The following CLSTN2 variants were observed in gnomAD, a reference collection of about 807,000 sequenced individuals.
CLSTN2 encodes calsyntenin 2.
CLSTN2 carries 48 observed loss-of-function variants against 101.2 expected under a neutral mutation model. The observed-to-expected ratio is 0.47, with a 90% CI of 0.38 to 0.60. CLSTN2 has a LOEUF of 0.60. Ranked by LOEUF, CLSTN2 falls within the 20% of genes least tolerant of loss-of-function variation. The pLI is 0.00. For synonymous variants in CLSTN2, 481 were observed against 463.6 expected (o/e 1.04, Z -0.48); for missense variants, 1,160 against 1,238.2 (o/e 0.94, Z 0.95).
chr3:140,530,884 T>C (rs1192104805), intron 8 of CLSTN2, among the ~76,000 whole-genome samples: 3 of 152,248 alleles, frequency 2.0e-5, no homozygotes, highest in Admixed American at 6.5e-5. Context: ...ATCCTCAGGA[T>C]GTGAACCGCA....
At chr3:140,163,473 G>C (rs1185616471) in intron 1 of CLSTN2, among the ~76,000 whole-genome samples, 1 of 149,150 alleles carries the variant, frequency 6.7e-6, no homozygotes, top group Non-Finnish European at 1.5e-5. Context: ...GATAGATATA[G>C]ATTTAGAGAG....
intron 2 of CLSTN2, among the ~76,000 whole-genome samples, chr3:140,225,484 A>T (rs533565936): frequency 0.032 from 3,799 of 120,412 alleles, 152 homozygotes; most frequent in African/African-American, 0.11. Flanking sequence ...GGGCACTGAC[A>T]TTTTTGTTTG....
At chr3:140,044,574 G>A (rs1382824431) in intron 1 of CLSTN2, among the ~76,000 whole-genome samples, 7 of 152,294 alleles carry the variant, frequency 4.6e-5, no homozygotes, top group Admixed American at 2.6e-4. Context: ...ATGTTGAATA[G>A]GAGTGGTGAG....
intron 9 of CLSTN2, among the ~76,000 whole-genome samples, chr3:140,533,698 G>C (rs1044058426): frequency 7.6e-6 from 1 of 131,072 alleles, no homozygotes; most frequent in Non-Finnish European, 1.5e-5. Context: ...GCAATGGAAC[G>C]AGACTCCATC....
Position 140,418,517 on chromosome 3 carries a change from C to CTTTCT in CLSTN2, c.638-2605_638-2604insCTTTT, listed in dbSNP as rs1343393604. Among the ~76,000 whole-genome samples, 9 of 41,302 alleles carry CTTTCT rather than the reference C, an allele frequency of 2.2e-4. No homozygotes were observed. In the African/African-American group the frequency reaches 3.3e-3, roughly 15 times the overall value. 27.1% of individuals were successfully genotyped at this position (41,302 alleles called of 152,430 possible). On this transcript the variant is annotated intron_variant, in intron 4 of 16. Coordinates refer to ENST00000458420, the MANE Select transcript of CLSTN2 (RefSeq NM_022131.3). The stretch of plus-strand genomic sequence containing the variant: ...TCTTTCTTTCTTTCTTTCTTTCTTT[C>CTTTCT]TTTTTTTTTTTTTTTTCTGAGACGG...
intron 1 of CLSTN2, among the ~76,000 whole-genome samples, chr3:140,048,878 A>T (rs575848529): frequency 6.6e-6 from 1 of 152,300 alleles, no homozygotes; most frequent in South Asian, 2.1e-4. Flanking sequence ...CCATGCCTCC[A>T]GCTCTCCCAG....
At chr3:140,287,905 G>A (rs1028766521) in intron 2 of CLSTN2, among the ~76,000 whole-genome samples, 1 of 152,200 alleles carries the variant, frequency 6.6e-6, no homozygotes, top group African/African-American at 2.4e-5. Flanking sequence ...GTGCTCAGGA[G>A]AGAGAGATAA....
intron 8 of CLSTN2, among the ~76,000 whole-genome samples, chr3:140,495,326 A>G (rs1319474019): frequency 6.6e-6 from 1 of 151,524 alleles, no homozygotes; most frequent in Non-Finnish European, 1.5e-5. Context: ...TTTTCCTTGT[A>G]CATTTGTTTA....
At chr3:140,164,788 G>T (rs2010107587) in intron 1 of CLSTN2, among the ~76,000 whole-genome samples, 1 of 152,166 alleles carries the variant, frequency 6.6e-6, no homozygotes, top group Non-Finnish European at 1.5e-5. Flanking sequence ...TCATTCCCAG[G>T]CTGGAGAAAT....
At chr3:140,150,753 C>G (rs138203366) in intron 1 of CLSTN2, among the ~76,000 whole-genome samples, 128 of 152,074 alleles carry the variant, frequency 8.4e-4, no homozygotes, top group African/African-American at 3.0e-3. Context: ...TTTTTCTTCT[C>G]TTTCACTGAT....
chr3:139,966,156 T>C (rs1935594897), intron 1 of CLSTN2, among the ~76,000 whole-genome samples: 1 of 152,168 alleles, frequency 6.6e-6, no homozygotes, highest in South Asian at 2.1e-4. Flanking sequence ...AGGTCTTAGC[T>C]GTGGGTAGGG....
At chr3:140,353,259 A>ATG in intron 2 of CLSTN2, among the ~76,000 whole-genome samples, 1 of 149,904 alleles carries the variant, frequency 6.7e-6, no homozygotes, top group Non-Finnish European at 1.5e-5. Context: ...ATATATATAT[A>ATG]TATATGTTTA....
At chr3:140,045,316 A>T (rs1187566762) in intron 1 of CLSTN2, among the ~76,000 whole-genome samples, 1 of 151,714 alleles carries the variant, frequency 6.6e-6, no homozygotes, top group African/African-American at 2.4e-5. Flanking sequence ...GTTTATTTGC[A>T]TGGAGGTACC....
chr3:139,981,964 G>A (rs4683772), intron 1 of CLSTN2, among the ~76,000 whole-genome samples: 101,527 of 151,840 alleles, frequency 0.67, 35,715 homozygotes, highest in Non-Finnish European at 0.79. Context: ...CAGTATTCCA[G>A]CGCAGCTGGG....
intron 1 of CLSTN2, among the ~76,000 whole-genome samples, chr3:140,094,277 A>G (rs554729730): frequency 9.2e-5 from 14 of 152,302 alleles, no homozygotes; most frequent in African/African-American, 3.4e-4. Flanking sequence ...AAGACTCAGG[A>G]AGGGGCAGAG....
chr3:139,938,913 C>A (rs1165926901), intron 1 of CLSTN2, among the ~76,000 whole-genome samples: 2 of 151,994 alleles, frequency 1.3e-5, no homozygotes, highest in African/African-American at 4.8e-5. Flanking sequence ...AGAGGACCAC[C>A]CTCCACCCCT....
intron 2 of CLSTN2, among the ~76,000 whole-genome samples, chr3:140,353,824 T>G (rs1337742402): frequency 1.3e-5 from 2 of 152,204 alleles, no homozygotes; most frequent in African/African-American, 4.8e-5. Flanking sequence ...ATTAATGATA[T>G]GAATGCTAGG....
intron 8 of CLSTN2, among the ~76,000 whole-genome samples, chr3:140,513,928 G>T (rs928333186): frequency 5.3e-5 from 8 of 151,654 alleles, no homozygotes; most frequent in Non-Finnish European, 1.2e-4. Flanking sequence ...ATTTCTGTGG[G>T]GTCAGTGATG....
chr3:140,090,026 AG>A (rs758093259), intron 1 of CLSTN2, among the ~76,000 whole-genome samples: 3 of 85,784 alleles, frequency 3.5e-5, no homozygotes, highest in Non-Finnish European at 6.2e-5. Flanking sequence ...TATTGGTTTT[AG>A]GGTGAGGGGG....
Sources: allele counts gnomAD v4.1 joint callset (sites outside exome capture counted in the v4.1 genomes callset), GRCh38; gene constraint gnomAD v4.1.1; transcripts MANE v1.5; gene names NCBI Gene and HGNC (gene_info 2026-07-23, HGNC 2026-07-21).